SORBS2: variants seen among roughly 807,000 people sequenced by gnomAD.
SORBS2 encodes sorbin and SH3 domain-containing protein 2.
In SORBS2, 46 loss-of-function variants were observed where a neutral mutation model predicts 97.7. The observed-to-expected ratio is 0.47, with a 90% CI of 0.37 to 0.60. SORBS2 has a LOEUF of 0.60. Among genes scored for constraint, SORBS2 ranks in the 20% least tolerant of loss-of-function variants. The pLI is 0.00. For synonymous variants in SORBS2, 476 were observed against 473.4 expected (o/e 1.01, Z -0.07); for missense variants, 1,316 against 1,282.3 (o/e 1.03, Z -0.40).
intron 12 of SORBS2, among the ~76,000 whole-genome samples, chr4:185,604,381 T>G (rs57551016): frequency 0.028 from 4,313 of 152,104 alleles, 209 homozygotes; most frequent in African/African-American, 0.098. Flanking sequence ...TTGATAAGAA[T>G]ATTTAGGGAG....
rs1240604774 is a variant in SORBS2 at position 185,662,261 on chromosome 4, C to T, written c.-45-19G>A. On this transcript the variant is annotated intron_variant, in intron 4 of 20. Transcript: ENST00000284776. The stretch of plus-strand genomic sequence containing the variant: ...TCTGGCTCTGAGAAAAGCGCAAAGG[C>T]ATCGAGTTAAATTAGCACATAGTTC... The T allele has an allele frequency of 1.3e-6, 2 of 1,583,316 alleles. No homozygotes were observed. Among genetic ancestry groups the T allele is most frequent in the South Asian group, 1.2e-5 (1 of 86,660 alleles).
At chr4:185,800,697 GC>G (rs1464728899) in intron 1 of SORBS2, among the ~76,000 whole-genome samples, 2 of 152,084 alleles carry the variant, frequency 1.3e-5, no homozygotes, top group Admixed American at 6.5e-5. Context: ...TCTTAGCTGG[GC>G]CCCCTCCATC....
rs1237515451 is a variant in SORBS2, at chr4:185,606,617, C to T, written c.2796+5163G>A. 3 of 985,120 alleles carry T rather than the reference C, an allele frequency of 3.0e-6. No homozygotes were observed. In the Admixed American group the frequency reaches 1.8e-4, roughly 61 times the overall value. The allele number at this position is 985,120 out of a possible 1,614,324, so 61.0% of individuals were successfully genotyped here. A position where few individuals can be genotyped will look rare whatever the true frequency, so the allele number is the denominator to read the frequency against. Reference sequence around the variant, plus strand: ...CTGGGTTTTGCTGCATTGCTGTCCTCCTTGGGGGTCCTAGGATCTGTGGGG... The same window carrying T: ...CTGGGTTTTGCTGCATTGCTGTCCTTCTTGGGGGTCCTAGGATCTGTGGGG... On this transcript the variant is annotated intron_variant, in intron 12 of 14. Transcript: ENST00000418609. The surrounding 1 kb of genome is among the most constrained non-coding windows in gnomAD (Gnocchi z 4.3).
At chr4:185,929,404 T>G (rs1445776594) in intron 1 of SORBS2, among the ~76,000 whole-genome samples, 1 of 152,236 alleles carries the variant, frequency 6.6e-6, no homozygotes, top group African/African-American at 2.4e-5. Flanking sequence ...ATAGCTCTTC[T>G]TTCCAAAGTC....
intron 2 of SORBS2, among the ~76,000 whole-genome samples, chr4:185,763,810 A>G (rs1466510051): frequency 6.6e-6 from 1 of 152,212 alleles, no homozygotes; most frequent in Non-Finnish European, 1.5e-5. Flanking sequence ...ATTATTCAAT[A>G]TTATCCATTT....
chr4:185,883,290 G>C (rs2099237762), intron 1 of SORBS2, among the ~76,000 whole-genome samples: 1 of 152,036 alleles, frequency 6.6e-6, no homozygotes, highest in Non-Finnish European at 1.5e-5. Flanking sequence ...GACAAACAAA[G>C]CACAGAAAAA....
chr4:185,806,150 G>A (rs947277183), intron 1 of SORBS2, among the ~76,000 whole-genome samples: 3 of 152,220 alleles, frequency 2.0e-5, no homozygotes, highest in Non-Finnish European at 2.9e-5. Flanking sequence ...GCTTAATGAA[G>A]CACATTTCCA....
intron 2 of SORBS2, among the ~76,000 whole-genome samples, chr4:185,748,517 A>G (rs2098778442): frequency 6.6e-6 from 1 of 152,164 alleles, no homozygotes; most frequent in Non-Finnish European, 1.5e-5. Flanking sequence ...ACCACACAGA[A>G]GCAAAAGCAG....
intron 2 of SORBS2, among the ~76,000 whole-genome samples, chr4:185,651,337 T>C (rs2097310752): frequency 6.6e-6 from 1 of 152,250 alleles, no homozygotes; most frequent in Admixed American, 6.5e-5. Flanking sequence ...ATTTTTAAAC[T>C]CTTTCAATGA....
chr4:185,849,980 G>A (rs749361096), intron 1 of SORBS2, among the ~76,000 whole-genome samples: 5 of 152,156 alleles, frequency 3.3e-5, no homozygotes, highest in Non-Finnish European at 5.9e-5. Flanking sequence ...TCTACGTTGC[G>A]TTTTGATCCA....
At chr4:185,662,658 G>A (rs1446945418) in intron 4 of SORBS2, among the ~76,000 whole-genome samples, 1 of 152,256 alleles carries the variant, frequency 6.6e-6, no homozygotes, top group Non-Finnish European at 1.5e-5. Flanking sequence ...TTTGACATGA[G>A]GCAAGGGATT....
intron 1 of SORBS2, among the ~76,000 whole-genome samples, chr4:185,828,209 G>A (rs1448188383): frequency 6.6e-6 from 1 of 152,150 alleles, no homozygotes; most frequent in East Asian, 1.9e-4. Context: ...TTCAGCAGAG[G>A]CCACAGGATG....
intron 1 of SORBS2, among the ~76,000 whole-genome samples, chr4:185,800,248 T>C (rs2099123790): frequency 6.6e-6 from 1 of 152,148 alleles, no homozygotes; most frequent in Non-Finnish European, 1.5e-5. Flanking sequence ...AATCACCCTA[T>C]AACATATTCC....
chr4:185,615,181 G>T, intron 9 of SORBS2, 22 bp from the exon 22 acceptor site: 1 of 1,403,838 alleles, frequency 7.1e-7, no homozygotes, highest in Non-Finnish European at 1.0e-6. Flanking sequence ...ACGTTGACAT[G>T]GTCTTTTTGT....
In SORBS2 at chr4:185,662,245, G is replaced by A; in HGVS notation, c.-45-3C>T. ...TTTCCATTCACTGTTATCTGGCTCTGAGAAAAGCGCAAAGGCATCGAGTTA... is the reference window on the plus strand; with the variant it reads ...TTTCCATTCACTGTTATCTGGCTCTAAGAAAAGCGCAAAGGCATCGAGTTA... On this transcript the variant is annotated splice_polypyrimidine_tract_variant and splice_region_variant and intron_variant, in intron 4 of 20. Transcript: ENST00000284776. 2 of 1,602,222 alleles carry A rather than the reference G, an allele frequency of 1.2e-6. No homozygotes were observed. The highest frequency in any genetic ancestry group is 1.7e-6 in the Non-Finnish European group (2 of 1,173,922).
At chr4:185,812,468 T>C (rs945157948) in intron 1 of SORBS2, among the ~76,000 whole-genome samples, 1 of 152,250 alleles carries the variant, frequency 6.6e-6, no homozygotes, top group Non-Finnish European at 1.5e-5. Context: ...AACTCTTTTT[T>C]ATATGAGCCG....
chr4:185,666,757 A>G (rs952289795), intron 4 of SORBS2, among the ~76,000 whole-genome samples: 1 of 152,214 alleles, frequency 6.6e-6, no homozygotes, highest in Non-Finnish European at 1.5e-5. Context: ...TGATTTCACT[A>G]CAAAATACGA....
At chr4:185,721,081 A>ATTTTTTTT (rs2098509431) in intron 2 of SORBS2, among the ~76,000 whole-genome samples, 1 of 69,594 alleles carries the variant, frequency 1.4e-5, no homozygotes. Flanking sequence ...TTTCCCACCT[A>ATTTTTTTT]TTCTTTTTTT....
chr4:185,888,059 A>ATATTATTATTAT (rs148021041), intron 1 of SORBS2, among the ~76,000 whole-genome samples: 1,747 of 148,898 alleles, frequency 0.012, 45 homozygotes, highest in Admixed American at 0.052. Context: ...CTGACATTCT[A>ATATTATTATTAT]TATTATTATT....
Sources: allele counts gnomAD v4.1 joint callset (sites outside exome capture counted in the v4.1 genomes callset), GRCh38; gene constraint gnomAD v4.1.1; non-coding constraint Gnocchi (gnomAD v3.1); transcripts MANE v1.5; gene names NCBI Gene and HGNC (gene_info 2026-07-23, HGNC 2026-07-21).